GRIN2A: variants seen among roughly 807,000 people sequenced by gnomAD.
GRIN2A encodes the protein glutamate ionotropic receptor NMDA type subunit 2A, also known as glutamate receptor ionotropic, NMDA 2A.
GRIN2A carries 22 observed loss-of-function variants against 113.4 expected under a neutral mutation model. That is an observed-to-expected ratio of 0.19 (90% confidence interval 0.14 to 0.28). The LOEUF is 0.28. GRIN2A is among the 10% of genes least tolerant of loss of function. The pLI, the probability that GRIN2A is intolerant of heterozygous loss-of-function variation, is 1.00. For missense variants in GRIN2A, 1,502 were observed against 1,887.0 expected (o/e 0.80, Z 3.78); for synonymous variants, 827 against 738.4 (o/e 1.12, Z -1.94).
At chr16:10,103,641 A>G (rs1222636320) in intron 2 of GRIN2A, among the ~76,000 whole-genome samples, 1 of 152,220 alleles carries the variant, frequency 6.6e-6, no homozygotes, top group African/African-American at 2.4e-5. Flanking sequence ...GAAAATCTAC[A>G]AAACAAGAGA....
At chr16:10,083,544 C>T (rs76241812) in intron 2 of GRIN2A, among the ~76,000 whole-genome samples, 26,685 of 152,184 alleles carry the variant, frequency 0.18, 2,790 homozygotes, top group East Asian at 0.37. Flanking sequence ...CCTGACCTCT[C>T]TCTACCCTCT....
chr16:10,122,586 C>A (rs753550637), intron 2 of GRIN2A, among the ~76,000 whole-genome samples: 1 of 152,064 alleles, frequency 6.6e-6, no homozygotes, highest in Non-Finnish European at 1.5e-5. Flanking sequence ...TCCTAAAAGG[C>A]TCTTTTTGTC....
At chr16:9,909,107 A>G (rs1178037659) in intron 3 of GRIN2A, among the ~76,000 whole-genome samples, 1 of 152,186 alleles carries the variant, frequency 6.6e-6, no homozygotes, top group African/African-American at 2.4e-5. Flanking sequence ...CCTCACAATC[A>G]TGGTGGAAGG....
At chr16:9,856,049 G>T (rs1451669731) in intron 4 of GRIN2A, among the ~76,000 whole-genome samples, 2 of 152,132 alleles carry the variant, frequency 1.3e-5, no homozygotes, top group Non-Finnish European at 2.9e-5. Context: ...ACTGATTAGG[G>T]CTTTACTATG....
intron 2 of GRIN2A, among the ~76,000 whole-genome samples, chr16:10,149,411 G>T (rs1402555324): frequency 1.3e-5 from 2 of 152,192 alleles, no homozygotes; most frequent in Admixed American, 6.5e-5. Context: ...CTAGGACTTT[G>T]CCCAGTGGGG....
chr16:10,026,431 C>G lies in GRIN2A; in HGVS notation c.415-87880G>C, dbSNP rs1169036785. Among the ~76,000 whole-genome samples the G allele has an allele frequency of 1.2e-4, 18 of 152,220 alleles. 1 individual carries two copies. The East Asian group carries it at 3.5e-3, about 29-fold the overall frequency. ...GCATTAGATGCATTTCCTTTCTCTGCATCTTGAAGGTAGTCTATGCAAAGT... is the reference window on the plus strand; with the variant it reads ...GCATTAGATGCATTTCCTTTCTCTGGATCTTGAAGGTAGTCTATGCAAAGT... On this transcript the variant is annotated intron_variant, in intron 2 of 12. Transcript: ENST00000330684.
At chr16:10,072,068 G>T (rs1406912504) in intron 2 of GRIN2A, among the ~76,000 whole-genome samples, 1 of 152,180 alleles carries the variant, frequency 6.6e-6, no homozygotes, top group African/African-American at 2.4e-5. Context: ...TTCATGATCA[G>T]AAAGTGATGA....
intron 11 of GRIN2A, among the ~76,000 whole-genome samples, chr16:9,788,601 CT>C (rs1198699004): frequency 6.6e-6 from 1 of 151,814 alleles, no homozygotes; most frequent in Non-Finnish European, 1.5e-5. Flanking sequence ...CCTCCTTCTC[CT>C]TTTTTCCCCC....
chr16:10,179,363 A>T (rs1364851236), intron 2 of GRIN2A: 1 of 152,162 alleles, frequency 6.6e-6, no homozygotes, highest in African/African-American at 2.5e-5. Context: ...ACTCCCACCC[A>T]CTCCCCTTGA....
chr16:10,093,804 G>A (rs752196278), intron 2 of GRIN2A, among the ~76,000 whole-genome samples: 21 of 152,096 alleles, frequency 1.4e-4, no homozygotes, highest in East Asian at 1.2e-3. Context: ...GGCCAATTAC[G>A]TGAGGGAGAC....
At chr16:9,934,035 C>T (rs1437495470) in intron 3 of GRIN2A, among the ~76,000 whole-genome samples, 3 of 152,154 alleles carry the variant, frequency 2.0e-5, no homozygotes, top group Non-Finnish European at 4.4e-5. Flanking sequence ...ATGGAGAGAA[C>T]AGGAGAAAAC....
At chr16:9,781,324 T>A (rs1215276190) in intron 11 of GRIN2A, among the ~76,000 whole-genome samples, 1 of 152,180 alleles carries the variant, frequency 6.6e-6, no homozygotes, top group Non-Finnish European at 1.5e-5. Flanking sequence ...GTAAAATTGG[T>A]ACATTGATCC....
At chr16:9,810,204 T>TTGCATACCTGTGTGCTG (rs2042060198) in intron 10 of GRIN2A, among the ~76,000 whole-genome samples, 1 of 152,154 alleles carries the variant, frequency 6.6e-6, no homozygotes, top group Non-Finnish European at 1.5e-5. Context: ...AGAATCCACT[T>TTGCATACCTGTGTGCTG]TGCATACCTG....
At chr16:10,132,972 A>G (rs1190572908) in intron 2 of GRIN2A, among the ~76,000 whole-genome samples, 1 of 152,248 alleles carries the variant, frequency 6.6e-6, no homozygotes, top group East Asian at 1.9e-4. Flanking sequence ...GTCTGCCCAC[A>G]TTCCTTAGCT....
chr16:9,794,507 T>C (rs1167795997), intron 11 of GRIN2A: 1 of 152,220 alleles, frequency 6.6e-6, no homozygotes, highest in Non-Finnish European at 1.5e-5. Context: ...TGTTAATTCA[T>C]GTATTTACTC....
intron 2 of GRIN2A, among the ~76,000 whole-genome samples, chr16:10,082,857 A>T (rs2048010088): frequency 6.6e-6 from 1 of 152,276 alleles, no homozygotes; most frequent in East Asian, 1.9e-4. Flanking sequence ...AACTAGCACC[A>T]GACATTCTCC....
At chr16:9,933,236 C>A (rs2044637248) in intron 3 of GRIN2A, among the ~76,000 whole-genome samples, 1 of 151,986 alleles carries the variant, frequency 6.6e-6, no homozygotes, top group African/African-American at 2.4e-5. Flanking sequence ...TTGCCTGAAA[C>A]TCTATGTACA....
At chr16:9,827,155 A>C (rs931921646) in intron 9 of GRIN2A, among the ~76,000 whole-genome samples, 13 of 152,358 alleles carry the variant, frequency 8.5e-5, no homozygotes, top group Non-Finnish European at 1.3e-4. Flanking sequence ...CCAAATTTAC[A>C]AAGCAGACAA....
chr16:10,147,336 T>A (rs1196335495), intron 2 of GRIN2A, among the ~76,000 whole-genome samples: 2 of 151,520 alleles, frequency 1.3e-5, no homozygotes, highest in Non-Finnish European at 2.9e-5. Flanking sequence ...AAAGAATTAA[T>A]TGTAGAAGTG....
Sources: allele counts gnomAD v4.1 joint callset (sites outside exome capture counted in the v4.1 genomes callset), GRCh38; gene constraint gnomAD v4.1.1; transcripts MANE v1.5; gene names NCBI Gene and HGNC (gene_info 2026-07-23, HGNC 2026-07-21).